CCDC88A: variants seen among roughly 807,000 people sequenced by gnomAD.
CCDC88A encodes the protein coiled-coil and HOOK domain protein 88A.
CCDC88A carries 54 observed loss-of-function variants against 234.3 expected under a neutral mutation model. The observed-to-expected ratio is 0.23, with a 90% CI of 0.19 to 0.29. CCDC88A has a LOEUF of 0.29. CCDC88A is among the 10% of genes least tolerant of loss of function. The probability of loss-of-function intolerance (pLI) is 1.00; values close to 1 mark genes in which losing one functional copy is unlikely to be tolerated. For synonymous variants in CCDC88A, 753 were observed against 737.8 expected (o/e 1.02, Z -0.33); for missense variants, 1,832 against 2,123.4 (o/e 0.86, Z 2.70).
intron 8 of CCDC88A, among the ~76,000 whole-genome samples, chr2:55,354,200 G>T (rs2104758102): frequency 6.6e-6 from 1 of 150,608 alleles, no homozygotes; most frequent in East Asian, 2.0e-4. Context: ...GAGTGCAGTG[G>T]TGTGATCTTG....
intron 29 of CCDC88A, among the ~76,000 whole-genome samples, chr2:55,297,988 C>T (rs1369404601): frequency 6.6e-6 from 1 of 152,132 alleles, no homozygotes; most frequent in Non-Finnish European, 1.5e-5. Flanking sequence ...ATGTCTTGAT[C>T]ATCTTATTGT....
At chr2:55,418,190 G>A (rs1055751519) in intron 2 of CCDC88A, 1 of 152,198 alleles carries the variant, frequency 6.6e-6, no homozygotes, top group Admixed American at 6.5e-5. Flanking sequence ...ATCAAGACTT[G>A]TTATTTGCAT....
chr2:55,394,576 C>A (rs1157848389), intron 2 of CCDC88A: 5 of 146,948 alleles, frequency 3.4e-5, no homozygotes, highest in Non-Finnish European at 1.5e-5. Flanking sequence ...TATTTCTCCA[C>A]ATCCTCTCCA....
At chr2:55,312,210 G>A (rs1367944774) in intron 23 of CCDC88A, among the ~76,000 whole-genome samples, 2 of 152,060 alleles carry the variant, frequency 1.3e-5, no homozygotes, top group East Asian at 1.9e-4. Context: ...GTATTTAAAT[G>A]TTTATTTGTA....
rs1681988817 is a variant in CCDC88A, at chr2:55,309,034, T to G, written c.4173-11A>C. 1 of 1,596,004 alleles carries G rather than the reference T, an allele frequency of 6.3e-7. No homozygotes were observed. The highest frequency in any genetic ancestry group is 8.6e-7 in the Non-Finnish European group (1 of 1,164,784). On this transcript the variant is annotated splice_polypyrimidine_tract_variant and intron_variant, in intron 24 of 32. Coordinates refer to ENST00000436346, the MANE Select transcript of CCDC88A (RefSeq NM_001365480.1). This position sits in a 1 kb window ranked among gnomAD's most constrained non-coding sequence, Gnocchi z 5.1. ...ATCCAGTTGCCTCTCCTAACAGAAT[T>G]TTAAAAATTGTTATCAGTTTAAAAT...
intron 12 of CCDC88A, among the ~76,000 whole-genome samples, chr2:55,342,161 T>C (rs550786660): frequency 2.4e-4 from 36 of 152,364 alleles, no homozygotes; most frequent in South Asian, 8.3e-4. Context: ...GAAAATGAGA[T>C]AGAAAAGTTC....
chr2:55,405,101 A>G (rs2104959495), intron 2 of CCDC88A: 1 of 152,310 alleles, frequency 6.6e-6, no homozygotes, highest in African/African-American at 2.4e-5. Flanking sequence ...CTATTCCTCA[A>G]CTTGGTTCCT....
intron 25 of CCDC88A, among the ~76,000 whole-genome samples, chr2:55,303,819 C>T (rs747468712): frequency 1.3e-5 from 2 of 152,114 alleles, no homozygotes; most frequent in Non-Finnish European, 2.9e-5. Flanking sequence ...ACTGGTGGTT[C>T]ACAGAGTCTA....
At chr2:55,308,559 T>G in intron 25 of CCDC88A, 1 of 413,594 alleles carries the variant, frequency 2.4e-6, no homozygotes, top group Non-Finnish European at 4.3e-6. Context: ...GCAGAGGTAT[T>G]CCAGCTCTTA....
At chr2:55,394,236 T>C (rs548085117) in intron 2 of CCDC88A, 1 of 152,340 alleles carries the variant, frequency 6.6e-6, no homozygotes, top group Non-Finnish European at 1.5e-5. Flanking sequence ...ACTTCATCCA[T>C]GTCCCTACAA....
At position 55,309,068 on chromosome 2, in the gene CCDC88A, C is replaced by A. The variant is rs760310406; in HGVS notation, c.4173-45G>T. 9 of 1,503,508 alleles carry A rather than the reference C, an allele frequency of 6.0e-6. No homozygotes were observed. In the South Asian group the frequency reaches 1.0e-4, roughly 17 times the overall value. 93.1% of individuals were successfully genotyped at this position (1,503,508 alleles called of 1,614,324 possible). ...TGTTATCAGTTTAAAATTCAACATA[C>A]AAATCCTTCACAAAAGTAGAAGTCA... is the stretch of plus-strand genomic sequence containing the variant. On this transcript the variant is annotated intron_variant, in intron 24 of 32. Coordinates refer to ENST00000436346, the MANE Select transcript of CCDC88A (RefSeq NM_001365480.1). This position sits in a 1 kb window ranked among gnomAD's most constrained non-coding sequence, Gnocchi z 5.1.
In CCDC88A at chr2:55,312,717, G is replaced by A. The variant is rs1682480213; in HGVS notation, c.3934-138C>T. The A allele has an allele frequency of 6.5e-6, 4 of 612,694 alleles. No homozygotes were observed. In the Admixed American group the frequency reaches 1.1e-4, roughly 18 times the overall value. The allele number at this position is 612,694 out of a possible 1,614,324, so 38.0% of individuals were successfully genotyped here. On this transcript the variant is annotated intron_variant, in intron 22 of 32. Coordinates refer to ENST00000436346, the MANE Select transcript of CCDC88A (RefSeq NM_001365480.1). Reference sequence around the variant, plus strand: ...GATGATTGTACTTTTATCAGAGCATGATTATTTTAGTGATGACACCTACAG... The same window carrying A: ...GATGATTGTACTTTTATCAGAGCATAATTATTTTAGTGATGACACCTACAG...
Position 55,334,494 on chromosome 2 carries a change from T to C in CCDC88A, c.2327A>G (p.Asn776Ser), listed in dbSNP as rs1685262722. The change falls in exon 15 of 33, where the codon AAT (asparagine) becomes AGT (serine). Residue 776 changes from asparagine (N) to serine (S), a missense_variant. Physicochemically the swap from Asn to Ser is conservative, Grantham distance 46. Transcript: ENST00000436346. This position sits in a 1 kb window ranked among gnomAD's most constrained non-coding sequence, Gnocchi z 6.1. ...QRLQKTLENS[N>S]KKIQQLESEL... ...ACTCTCTAATTGCTGGATTTTTTTATTGCTGTTCTCTAAAGTTTTTTGCAG... is the reference window on the plus strand; with the variant it reads ...ACTCTCTAATTGCTGGATTTTTTTACTGCTGTTCTCTAAAGTTTTTTGCAG... 1 of 1,608,072 alleles carries C rather than the reference T, an allele frequency of 6.2e-7. No homozygotes were observed. Among genetic ancestry groups the C allele is most frequent in the Non-Finnish European group, 8.5e-7 (1 of 1,178,524 alleles).
intron 3 of CCDC88A, among the ~76,000 whole-genome samples, chr2:55,378,862 C>T (rs529087932): frequency 5.4e-4 from 82 of 152,068 alleles, no homozygotes; most frequent in African/African-American, 1.9e-3. Flanking sequence ...CCTCCTGCCT[C>T]AGCCTCCCAA....
chr2:55,404,995 C>G (rs1679311000), intron 2 of CCDC88A: 3 of 152,268 alleles, frequency 2.0e-5, no homozygotes, highest in Admixed American at 2.0e-4. Flanking sequence ...TCCCAAAGTT[C>G]TGGGATTACA....
chr2:55,300,019 T>C (rs939548171), intron 28 of CCDC88A, 100 bp from the exon 29 acceptor site: 12 of 818,684 alleles, frequency 1.5e-5, no homozygotes, highest in African/African-American at 3.4e-5. Context: ...GAAGCAATCA[T>C]GCATACTTTC....
chr2:55,355,320 A>G (rs1368260277), intron 8 of CCDC88A: 3 of 319,270 alleles, frequency 9.4e-6, no homozygotes, highest in Non-Finnish European at 1.2e-5. Flanking sequence ...AAGAGCCCCA[A>G]TTTGCCAAAT....
chr2:55,326,809 G>C (rs764005425), intron 17 of CCDC88A, among the ~76,000 whole-genome samples: 2 of 152,078 alleles, frequency 1.3e-5, no homozygotes, highest in African/African-American at 4.8e-5. Context: ...AACCTAAAAA[G>C]ATCTGCCTGC....
Position 55,384,590 on chromosome 2 carries a change from C to CGCATATAT in CCDC88A, c.273+4187_273+4188insATATATGC, listed in dbSNP as rs373391167. On this transcript the variant is annotated intron_variant, in intron 3 of 32. Coordinates refer to ENST00000436346, the MANE Select transcript of CCDC88A (RefSeq NM_001365480.1). ...ATATACGTATATATGTGTATATATA[C>CGCATATAT]ACATATATACGTATATATGTGTATA... Among the ~76,000 whole-genome samples the CGCATATAT allele has an allele frequency of 5.1e-3, 10 of 1,948 alleles. 1 individual carries two copies. The highest frequency in any genetic ancestry group is 0.012 in the African/African-American group (10 of 862). 1.3% of individuals were successfully genotyped at this position (1,948 alleles called of 152,430 possible).
Sources: allele counts gnomAD v4.1 joint callset (sites outside exome capture counted in the v4.1 genomes callset), GRCh38; gene constraint gnomAD v4.1.1; non-coding constraint Gnocchi (gnomAD v3.1); transcripts MANE v1.5; gene names NCBI Gene and HGNC (gene_info 2026-07-23, HGNC 2026-07-21).